TM9SF3: variants seen among roughly 807,000 people sequenced by gnomAD.
TM9SF3 encodes transmembrane 9 superfamily member 3.
In TM9SF3, 14 loss-of-function variants were observed where a neutral mutation model predicts 78.6. That is an observed-to-expected ratio of 0.18 (90% CI 0.12 to 0.28). The LOEUF (loss-of-function observed/expected upper bound fraction) is 0.28. TM9SF3 is among the 10% of genes least tolerant of loss of function. The pLI is 1.00. For synonymous variants in TM9SF3, 231 were observed against 241.7 expected, an observed-to-expected ratio of 0.96 and a Z score of 0.41; for missense variants, 496 against 721.9, an observed-to-expected ratio of 0.69 and a Z score of 3.59.
intron 2 of TM9SF3, among the ~76,000 whole-genome samples, chr10:96,571,662 A>G (rs1055752712): frequency 6.6e-6 from 1 of 152,200 alleles, no homozygotes; most frequent in Non-Finnish European, 1.5e-5. Context: ...ATCTCTTCCT[A>G]CCTGCAGTAC....
At chr10:96,584,160 TAA>T (rs1198165935) in intron 1 of TM9SF3, among the ~76,000 whole-genome samples, 2 of 152,258 alleles carry the variant, frequency 1.3e-5, no homozygotes, top group Non-Finnish European at 2.9e-5. Flanking sequence ...CTTCAGCTTC[TAA>T]AAGTTATTGT....
chr10:96,541,477 G>A (rs1848031047), intron 9 of TM9SF3, among the ~76,000 whole-genome samples: 1 of 151,932 alleles, frequency 6.6e-6, no homozygotes, highest in Admixed American at 6.6e-5. Context: ...CTGGGTTCAA[G>A]TGATCAAGCG....
chr10:96,552,407 C>T (rs1310848158), intron 6 of TM9SF3, among the ~76,000 whole-genome samples: 1 of 152,144 alleles, frequency 6.6e-6, no homozygotes, highest in Non-Finnish European at 1.5e-5. Flanking sequence ...TATGATCGCA[C>T]CACTACACTC....
At chr10:96,550,336 T>C (rs1848151867) in intron 7 of TM9SF3, among the ~76,000 whole-genome samples, 1 of 152,166 alleles carries the variant, frequency 6.6e-6, no homozygotes, top group Non-Finnish European at 1.5e-5. Flanking sequence ...AGGAAACAAA[T>C]ATTTAGTATA....
At chr10:96,535,057 C>T (rs1253039196) in intron 9 of TM9SF3, among the ~76,000 whole-genome samples, 1 of 152,158 alleles carries the variant, frequency 6.6e-6, no homozygotes, top group Non-Finnish European at 1.5e-5. Context: ...GTGTGACAGG[C>T]AATTGAGTGG....
At chr10:96,584,134 TA>T (rs1325083700) in intron 1 of TM9SF3, among the ~76,000 whole-genome samples, 4 of 152,228 alleles carry the variant, frequency 2.6e-5, no homozygotes, top group African/African-American at 9.6e-5. Context: ...CACAGGCAAT[TA>T]ACCTAAAAGG....
chr10:96,530,775 G>A (rs1847885554), intron 10 of TM9SF3, among the ~76,000 whole-genome samples, 167 bp from the exon 11 acceptor site: 1 of 152,156 alleles, frequency 6.6e-6, no homozygotes, highest in Non-Finnish European at 1.5e-5. Context: ...ACATAGGTGG[G>A]ACTTCAAATT....
chr10:96,527,319 T>C (rs1847850297), intron 13 of TM9SF3, 30 bp from the exon 14 acceptor site: 15 of 1,599,652 alleles, frequency 9.4e-6, no homozygotes, highest in Non-Finnish European at 1.0e-5. Flanking sequence ...ATATAGGATA[T>C]CCAGTTTTAC....
At chr10:96,543,123 T>A (rs769355812) in intron 9 of TM9SF3, among the ~76,000 whole-genome samples, 2 of 152,210 alleles carry the variant, frequency 1.3e-5, no homozygotes, top group Non-Finnish European at 2.9e-5. Context: ...CAAGCGTACA[T>A]TAAGCCTTCA....
intron 1 of TM9SF3, among the ~76,000 whole-genome samples, chr10:96,580,377 C>T (rs558037307): frequency 2.0e-5 from 3 of 152,142 alleles, no homozygotes; most frequent in East Asian, 3.9e-4. Flanking sequence ...GCCATTCTCC[C>T]GCCTCAGCCT....
intron 5 of TM9SF3, 59 bp from the exon 6 acceptor site, chr10:96,553,118 G>A: frequency 1.3e-6 from 2 of 1,486,790 alleles, no homozygotes; most frequent in Non-Finnish European, 1.8e-6. Flanking sequence ...AAATTCATAG[G>A]TTCCATGAGG....
At chr10:96,560,195 C>T (rs1278604042) in intron 4 of TM9SF3, 7 of 1,008,512 alleles carry the variant, frequency 6.9e-6, no homozygotes, top group East Asian at 4.9e-5. Flanking sequence ...ATGGAAGATT[C>T]GATGGACATG....
At chr10:96,569,078 C>T (rs1378318134) in intron 2 of TM9SF3, among the ~76,000 whole-genome samples, 1 of 152,140 alleles carries the variant, frequency 6.6e-6, no homozygotes, top group Non-Finnish European at 1.5e-5. Context: ...GTTCCAGCTA[C>T]TCAGAAGGCT....
chr10:96,542,082 C>A (rs2134137748), intron 9 of TM9SF3, among the ~76,000 whole-genome samples: 1 of 152,312 alleles, frequency 6.6e-6, no homozygotes, highest in Admixed American at 6.5e-5. Flanking sequence ...GACTATGTAA[C>A]CATTTCCTTC....
At chr10:96,584,272 T>A (rs1848606126) in intron 1 of TM9SF3, among the ~76,000 whole-genome samples, 1 of 152,342 alleles carries the variant, frequency 6.6e-6, no homozygotes, top group East Asian at 1.9e-4. Context: ...CTTTACTAGC[T>A]ACTTCTGCTT....
intron 10 of TM9SF3, among the ~76,000 whole-genome samples, chr10:96,531,431 A>G (rs1373649965): frequency 6.6e-6 from 1 of 152,218 alleles, no homozygotes; most frequent in Non-Finnish European, 1.5e-5. Flanking sequence ...CCTGGCAGGC[A>G]GAAGCTATTC....
At chr10:96,576,220 G>C (rs1013689374) in intron 2 of TM9SF3, 1 of 152,026 alleles carries the variant, frequency 6.6e-6, no homozygotes, top group Admixed American at 6.6e-5. Flanking sequence ...AATCAATAGG[G>C]GGTTTACTAG....
At chr10:96,546,553 TG>T (rs1296188726) in intron 8 of TM9SF3, among the ~76,000 whole-genome samples, 10 of 152,220 alleles carry the variant, frequency 6.6e-5, no homozygotes, top group African/African-American at 2.4e-4. Context: ...AGTTGCCTCA[TG>T]TGTCCTTATT....
rs188452874 is a variant in TM9SF3 at position 96,565,941 on chromosome 10, T to C, written c.299-515A>G. Among the ~76,000 whole-genome samples, 230 of 152,272 alleles carry C rather than the reference T, an allele frequency of 1.5e-3. 1 individual carries two copies. Among genetic ancestry groups the C allele is most frequent in the African/African-American group, 5.3e-3 (222 of 41,554 alleles). ...AGTGACTATTCATAAGCAGGAAGATTAAAAGGCAAACCTCTATTCAGCAAA... is the reference window on the plus strand; with the variant it reads ...AGTGACTATTCATAAGCAGGAAGATCAAAAGGCAAACCTCTATTCAGCAAA... On this transcript the variant is annotated intron_variant, in intron 2 of 14. Transcript: ENST00000371142.
Sources: allele counts gnomAD v4.1 joint callset (sites outside exome capture counted in the v4.1 genomes callset), GRCh38; gene constraint gnomAD v4.1.1; transcripts MANE v1.5; gene names NCBI Gene and HGNC (gene_info 2026-07-23, HGNC 2026-07-21).